The following USP4 variants were observed in gnomAD, a reference collection of about 807,000 sequenced individuals.
USP4 encodes ubiquitin specific peptidase 4.
Under a neutral mutation model 118.2 loss-of-function variants are expected in USP4, and 72 were observed. That is an observed-to-expected ratio of 0.61 (90% CI 0.50 to 0.74). USP4 has a LOEUF of 0.74. Among genes scored for constraint, USP4 ranks in the 30% least tolerant of loss-of-function variants. The pLI, the probability that USP4 is intolerant of heterozygous loss-of-function variation, is 0.00. For missense variants in USP4, 1,037 were observed against 1,185.7 expected (o/e 0.87, Z 1.84); for synonymous variants, 415 against 440.4 (o/e 0.94, Z 0.72).
chr3:49,288,907 C>T (rs538118947), intron 15 of USP4, among the ~76,000 whole-genome samples: 349 of 152,060 alleles, frequency 2.3e-3, no homozygotes, highest in Non-Finnish European at 3.9e-3. Context: ...CCCAGGAGTT[C>T]GAGACAAGCC....
At chr3:49,339,414 A>C (rs1172427790) in intron 1 of USP4, among the ~76,000 whole-genome samples, 1 of 152,178 alleles carries the variant, frequency 6.6e-6, no homozygotes, top group South Asian at 2.1e-4. Flanking sequence ...TATTTTTGAC[A>C]CTTGCTACCA....
At chr3:49,321,478 CTT>C (rs779995480) in intron 6 of USP4, among the ~76,000 whole-genome samples, 6 of 144,152 alleles carry the variant, frequency 4.2e-5, no homozygotes, top group African/African-American at 7.6e-5. Flanking sequence ...ATTATTGTAC[CTT>C]TTTTTTTTTT....
intron 2 of USP4, among the ~76,000 whole-genome samples, chr3:49,330,600 G>C (rs573934667): frequency 2.0e-5 from 3 of 151,954 alleles, no homozygotes; most frequent in Non-Finnish European, 4.4e-5. Context: ...CAAAGTGCTG[G>C]GATAACAGGC....
chr3:49,317,118 G>A (rs2047446316), intron 6 of USP4: 1 of 1,364,234 alleles, frequency 7.3e-7, no homozygotes, highest in Non-Finnish European at 1.0e-6. Context: ...TCTGGTCTGA[G>A]GCTGTAGCCT....
chr3:49,286,112 A>T lies in USP4; in HGVS notation c.2186T>A (p.Leu729Gln), dbSNP rs760980133. 4 of 1,614,082 alleles carry T rather than the reference A, an allele frequency of 2.5e-6. No homozygotes were observed. The African/African-American group carries it at 4.0e-5, about 16-fold the overall frequency. The change falls in exon 16 of 22, where the codon CTA becomes CAA. Residue 729 changes from leucine to glutamine, a missense_variant. Leu to Gln is a moderately radical substitution (Grantham distance 113). Coordinates refer to ENST00000265560, the MANE Select transcript of USP4 (RefSeq NM_003363.4). The part of the protein sequence containing the change: ...DINSLAADGK[L>Q]LKLNSRSTLA... ...AAAGTGCTTACAGTTGAGTTTAAGT[A>T]GTTTTCCATCAGCTGCAAGTGAATT...
At chr3:49,333,460 C>T (rs1215666497) in intron 2 of USP4, among the ~76,000 whole-genome samples, 2 of 152,142 alleles carry the variant, frequency 1.3e-5, no homozygotes, top group Non-Finnish European at 2.9e-5. Context: ...CAACCTATTT[C>T]GGCTTCCTTA....
chr3:49,304,561 A>G lies in USP4; in HGVS notation c.1128+1154T>C, dbSNP rs1002853008. On this transcript the variant is annotated intron_variant, in intron 9 of 21. Transcript: ENST00000265560. Reference sequence around the variant, plus strand: ...TAGAATCCAGGCTCAGAGAACCTGGAAACAGCCTTCAGATGATACTAGAAA... The same window carrying G: ...TAGAATCCAGGCTCAGAGAACCTGGGAACAGCCTTCAGATGATACTAGAAA... 2.8e-4 allele frequency among the ~76,000 whole-genome samples: 43 copies of G among 152,276 alleles called. 1 individual carries two copies. Among genetic ancestry groups the G allele is most frequent in the Admixed American group, 1.0e-3 (16 of 15,290 alleles).
At chr3:49,338,504 CA>C (rs963159651) in intron 1 of USP4, among the ~76,000 whole-genome samples, 1 of 150,762 alleles carries the variant, frequency 6.6e-6, no homozygotes, top group African/African-American at 2.4e-5. Context: ...ACTAAAAATA[CA>C]AAAAAAATTA....
chr3:49,323,001 C>T (rs370616645), intron 6 of USP4, among the ~76,000 whole-genome samples: 1 of 150,908 alleles, frequency 6.6e-6, no homozygotes, highest in East Asian at 1.9e-4. Flanking sequence ...GAGTTTCGCT[C>T]TTGTTCCCCA....
At chr3:49,278,967 G>T in intron 20 of USP4, 65 bp from the exon 21 acceptor site, 1 of 1,112,588 alleles carries the variant, frequency 9.0e-7, no homozygotes, top group Non-Finnish European at 1.3e-6. Flanking sequence ...AGCTTATTAG[G>T]CTTGCACTAA....
rs751134927 is a variant in USP4, at chr3:49,340,031, C to T, written c.-7G>A. ...AGCCTCCACCTTCCGCCATCTCCTCCGCGGCCCCGGCCCAGCCGGCCCGGA... is the reference window on the plus strand; with the variant it reads ...AGCCTCCACCTTCCGCCATCTCCTCTGCGGCCCCGGCCCAGCCGGCCCGGA... On this transcript the variant is annotated 5_prime_UTR_variant, in exon 1 of 22. Transcript: ENST00000265560. The T allele has an allele frequency of 2.5e-6, 4 of 1,604,558 alleles. No individual in the cohort carries two copies. The highest frequency in any genetic ancestry group is 1.3e-5 in the African/African-American group (1 of 75,030).
chr3:49,302,246 A>T, intron 10 of USP4, 138 bp downstream of exon 10: 2 of 884,018 alleles, frequency 2.3e-6, no homozygotes, highest in Non-Finnish European at 3.3e-6. Context: ...ACCAGAGACC[A>T]TATCCCTATA....
chr3:49,338,026 T>G (rs929777489), intron 1 of USP4, among the ~76,000 whole-genome samples: 2 of 115,198 alleles, frequency 1.7e-5, no homozygotes, highest in East Asian at 4.9e-4. Flanking sequence ...AGCCTGGTGA[T>G]GCAGCGAGAC....
chr3:49,303,185 G>A (rs1184645191), intron 9 of USP4, among the ~76,000 whole-genome samples: 3 of 152,056 alleles, frequency 2.0e-5, no homozygotes, highest in Non-Finnish European at 4.4e-5. Flanking sequence ...TCATGCCTAT[G>A]ATCCCAGAAT....
intron 2 of USP4, among the ~76,000 whole-genome samples, chr3:49,332,436 G>C (rs1456343971): frequency 6.6e-6 from 1 of 151,248 alleles, no homozygotes; most frequent in Non-Finnish European, 1.5e-5. Context: ...TGGGTGACAG[G>C]GCAAGACCCT....
At chr3:49,289,602 A>G (rs1309748412) in intron 15 of USP4, among the ~76,000 whole-genome samples, 40 of 152,174 alleles carry the variant, frequency 2.6e-4, no homozygotes. Context: ...CGGGTGCAGT[A>G]GCTCATGCCT....
Position 49,324,887 on chromosome 3 carries a change from C to T in USP4, c.633+7G>A, listed in dbSNP as rs753639651. The T allele has an allele frequency of 1.9e-6, 3 of 1,614,136 alleles. No homozygotes were observed. The highest frequency in any genetic ancestry group is 1.7e-5 in the Admixed American group (1 of 60,010). ...TACCTGCTGGGGAATGGCCAGGGCC[C>T]TCCTACCTGACCCTGGTATAGCCCA... On this transcript the variant is annotated splice_region_variant and intron_variant, in intron 5 of 21. Coordinates refer to ENST00000265560, the MANE Select transcript of USP4 (RefSeq NM_003363.4).
At chr3:49,330,103 A>C (rs2047598516) in intron 2 of USP4, among the ~76,000 whole-genome samples, 1 of 151,914 alleles carries the variant, frequency 6.6e-6, no homozygotes, top group African/African-American at 2.4e-5. Flanking sequence ...CCTGGGAGGG[A>C]GAGGTTGCAG....
intron 6 of USP4, among the ~76,000 whole-genome samples, chr3:49,317,666 C>T (rs1383173093): frequency 2.0e-5 from 3 of 151,030 alleles, no homozygotes; most frequent in African/African-American, 7.3e-5. Context: ...CTCAGCCTCC[C>T]GAGTAGCTGG....
Sources: gnomAD v4.1 joint callset for allele counts (sites outside exome capture counted in the v4.1 genomes callset) on GRCh38, gnomAD v4.1.1 for gene constraint, MANE v1.5 for transcripts, NCBI Gene and HGNC (gene_info 2026-07-23, HGNC 2026-07-21) for gene names.